The following SPECC1 variants were observed in gnomAD, a reference collection of about 807,000 sequenced individuals.
SPECC1 encodes cytospin-B.
In SPECC1, 62 loss-of-function variants were observed where a neutral mutation model predicts 104.1. The ratio of observed to expected loss-of-function variants is 0.60; its 90% CI spans 0.49 to 0.74. SPECC1 has a LOEUF of 0.74. Ranked by LOEUF, SPECC1 falls within the 30% of genes least tolerant of loss-of-function variation. The probability of loss-of-function intolerance (pLI) is 0.00; values close to 1 mark genes in which losing one functional copy is unlikely to be tolerated. For synonymous variants in SPECC1, 513 were observed against 501.6 expected (o/e 1.02, Z -0.30); for missense variants, 1,306 against 1,310.5 (o/e 1.00, Z 0.05).
At position 20,062,062 on chromosome 17, in the gene SPECC1, T is replaced by G. The variant is rs539422711; in HGVS notation, c.-21-34569T>G. On this transcript the variant is annotated intron_variant, in intron 1 of 14. Transcript: ENST00000395527. ...ATTAGGAGATCAAGACCATCCTGGC[T>G]AGCACGGTGAAACCCCGTCTCTGCT... Among the ~76,000 whole-genome samples the G allele has an allele frequency of 1.6e-4, 24 of 152,078 alleles. No individual in the cohort carries two copies. The East Asian group carries it at 4.1e-3, about 26-fold the overall frequency.
At chr17:20,016,673 G>A (rs377711215) in intron 1 of SPECC1, among the ~76,000 whole-genome samples, 198 of 152,358 alleles carry the variant, frequency 1.3e-3, no homozygotes, top group African/African-American at 4.6e-3. Flanking sequence ...GCGGGGCAGC[G>A]CTCATGACCT....
intron 1 of SPECC1, among the ~76,000 whole-genome samples, chr17:20,069,944 A>AT (rs2046488524): frequency 6.6e-6 from 1 of 152,118 alleles, no homozygotes; most frequent in Admixed American, 6.6e-5. Context: ...AATACAATTG[A>AT]TTTTTGTAAG....
intron 2 of SPECC1, 97 bp from the exon 3 acceptor site, chr17:20,110,330 C>A: frequency 7.0e-7 from 1 of 1,419,500 alleles, no homozygotes; most frequent in Non-Finnish European, 9.6e-7. Flanking sequence ...ATCTTGACTG[C>A]TGGGCACATA....
At chr17:20,187,634 T>C (rs1297023211) in intron 3 of SPECC1, among the ~76,000 whole-genome samples, 1 of 152,302 alleles carries the variant, frequency 6.6e-6, no homozygotes, top group Admixed American at 6.5e-5. Flanking sequence ...GATCCTAGAC[T>C]TTCAGTTATG....
intron 3 of SPECC1, among the ~76,000 whole-genome samples, chr17:20,151,991 G>GACATGCT (rs1215962753): frequency 5.3e-5 from 8 of 150,546 alleles, no homozygotes; most frequent in Admixed American, 1.3e-4. Flanking sequence ...TCTTGTCTTT[G>GACATGCT]ACATGCTAGT....
intron 13 of SPECC1, among the ~76,000 whole-genome samples, chr17:20,297,497 C>G (rs2041394187): frequency 6.6e-6 from 1 of 152,204 alleles, no homozygotes; most frequent in Non-Finnish European, 1.5e-5. Flanking sequence ...TAGATCAGAT[C>G]CACTTAACCT....
At chr17:20,222,086 C>G (rs1285487803) in intron 4 of SPECC1, among the ~76,000 whole-genome samples, 2 of 150,554 alleles carry the variant, frequency 1.3e-5, no homozygotes, top group Non-Finnish European at 2.9e-5. Flanking sequence ...GTAATCCCAG[C>G]GCTTTGGGAG....
chr17:20,017,589 C>CT (rs1257622373), intron 1 of SPECC1: 1 of 152,368 alleles, frequency 6.6e-6, no homozygotes, highest in Non-Finnish European at 1.5e-5. Context: ...TGTCCTCTTA[C>CT]TTCTCTCGCC....
At chr17:20,138,074 C>T (rs966519371) in intron 3 of SPECC1, among the ~76,000 whole-genome samples, 6 of 151,266 alleles carry the variant, frequency 4.0e-5, no homozygotes, top group South Asian at 2.1e-4. Flanking sequence ...GCTCAAGCAG[C>T]CCTCCCACCC....
intron 3 of SPECC1, among the ~76,000 whole-genome samples, chr17:20,177,700 T>A (rs1253366467): frequency 6.6e-6 from 1 of 152,224 alleles, no homozygotes; most frequent in Non-Finnish European, 1.5e-5. Flanking sequence ...AATATTTTTG[T>A]ATTTTATTTT....
At chr17:20,067,206 A>G (rs973278369) in intron 1 of SPECC1, 8 of 151,962 alleles carry the variant, frequency 5.3e-5, no homozygotes, top group African/African-American at 1.7e-4. Context: ...GTAGATTCCA[A>G]TGATGTCATC....
chr17:20,261,362 C>T (rs563510469), intron 12 of SPECC1, among the ~76,000 whole-genome samples: 8 of 151,418 alleles, frequency 5.3e-5, no homozygotes, highest in Admixed American at 2.0e-4. Flanking sequence ...ATTAGCCGGG[C>T]GTGGTGGCGG....
chr17:20,034,513 G>A (rs1220479495), intron 1 of SPECC1, among the ~76,000 whole-genome samples: 1 of 151,990 alleles, frequency 6.6e-6, no homozygotes, highest in African/African-American at 2.4e-5. Context: ...TTACAGGCAT[G>A]AGCCACCACG....
intron 12 of SPECC1, among the ~76,000 whole-genome samples, chr17:20,265,891 T>C (rs1480686835): frequency 6.6e-6 from 1 of 152,166 alleles, no homozygotes; most frequent in Non-Finnish European, 1.5e-5. Context: ...ATCAGATGAT[T>C]ATAGGTTTGC....
chr17:20,148,622 C>T (rs940053094), intron 3 of SPECC1, among the ~76,000 whole-genome samples: 6 of 151,482 alleles, frequency 4.0e-5, no homozygotes, highest in African/African-American at 1.2e-4. Context: ...GAGGGCCACT[C>T]TCAATCAGTG....
chr17:20,249,015 A>G (rs1008899895), intron 9 of SPECC1, among the ~76,000 whole-genome samples: 2 of 152,182 alleles, frequency 1.3e-5, no homozygotes, highest in Non-Finnish European at 2.9e-5. Context: ...CCCTATCTTA[A>G]CTGCCTTCTG....
intron 1 of SPECC1, among the ~76,000 whole-genome samples, chr17:20,043,219 G>T (rs2045404985): frequency 6.6e-6 from 1 of 152,118 alleles, no homozygotes; most frequent in Admixed American, 6.5e-5. Context: ...TCACAAGGAG[G>T]CACATAGTGT....
intron 12 of SPECC1, among the ~76,000 whole-genome samples, chr17:20,264,930 A>G (rs2040167964): frequency 6.6e-6 from 1 of 152,088 alleles, no homozygotes; most frequent in Non-Finnish European, 1.5e-5. Flanking sequence ...AGCTGCATCC[A>G]TGTTTTTGTT....
chr17:20,318,412 G>A lies in SPECC1; in HGVS notation c.*4347G>A, dbSNP rs2042066134. The A allele has an allele frequency of 4.3e-6, 1 of 231,550 alleles. No individual in the cohort carries two copies. The highest frequency in any genetic ancestry group is 8.5e-6 in the Non-Finnish European group (1 of 116,980). 14.3% of individuals were successfully genotyped at this position (231,550 alleles called of 1,614,324 possible). Reference sequence around the variant, plus strand: ...GTTTTTGTTTTACAGCTTTTGTAGAGACCAACCCAAGTAGATGCAGGTGGG... The same window carrying A: ...GTTTTTGTTTTACAGCTTTTGTAGAAACCAACCCAAGTAGATGCAGGTGGG... On this transcript the variant is annotated 3_prime_UTR_variant, in exon 15 of 15. Coordinates refer to ENST00000395527, the MANE Select transcript of SPECC1 (RefSeq NM_001243439.2).
Sources: gnomAD v4.1 joint callset for allele counts (sites outside exome capture counted in the v4.1 genomes callset) on GRCh38, gnomAD v4.1.1 for gene constraint, MANE v1.5 for transcripts, NCBI Gene and HGNC (gene_info 2026-07-23, HGNC 2026-07-21) for gene names.